Variants in ZNF324B observed in about 807,000 individuals in gnomAD.
ZNF324B encodes the protein zinc finger protein 324B.
A neutral mutation model predicts 10.6 loss-of-function variants in ZNF324B; 7 were observed. The observed-to-expected ratio is 0.66, with a 90% CI of 0.38 to 1.24. The LOEUF (loss-of-function observed/expected upper bound fraction) is 1.24, where lower values mean the gene tolerates loss of function less well. Ranked by LOEUF, ZNF324B falls within the 50% of genes most tolerant of loss-of-function variation. The pLI is 0.02. For missense variants in ZNF324B, 640 were observed against 764.7 expected (o/e 0.84, Z 1.92); for synonymous variants, 316 against 321.0 (o/e 0.98, Z 0.17).
chr19:58,455,830 C>G lies in ZNF324B; in HGVS notation c.886C>G (p.Gln296Glu). ...CACCCAGTGCGGCAAGGCCTTCAGC[C>G]AGACGTCGCACTTGACGCAGCACCA... is the stretch of plus-strand genomic sequence containing the variant. ...ECTQCGKAFS[Q>E]TSHLTQHQRI... The change falls in exon 4 of 4, where the codon CAG becomes GAG. Residue 296 changes from glutamine (Q) to glutamate (E), a missense_variant. Coordinates refer to ENST00000336614, the MANE Select transcript of ZNF324B (RefSeq NM_207395.3). This position sits in a 1 kb window ranked among gnomAD's most constrained non-coding sequence, Gnocchi z 7.0. 6.2e-7 allele frequency: 1 copy of G among 1,614,002 alleles called. No homozygotes were observed.
chr19:58,427,408 TTCCTTCC>T, the ZNF324B span, among the ~76,000 whole-genome samples: 61 of 22,206 alleles, frequency 2.7e-3, 1 homozygote, highest in African/African-American at 0.012. Flanking sequence ...CTTTCTTTCC[TTCCTTCC>T]TTCCTTCCTT....
chr19:58,433,514 G>T, the ZNF324B span: 2 of 1,613,984 alleles, frequency 1.2e-6, no homozygotes, highest in Non-Finnish European at 1.7e-6. Flanking sequence ...CTCTGATGAC[G>T]AACCAGGTGG....
the ZNF324B span, chr19:58,444,790 G>A: frequency 6.6e-6 from 1 of 152,242 alleles, no homozygotes; most frequent in Non-Finnish European, 1.5e-5. Context: ...ATGAGCATGG[G>A]AAGGCCTTCA....
chr19:58,428,239 G>A, the ZNF324B span, among the ~76,000 whole-genome samples: 10 of 152,142 alleles, frequency 6.6e-5, no homozygotes, highest in African/African-American at 1.7e-4. Context: ...GAGGATTTCC[G>A]GTCTTTTCTC....
rs756462124 is a variant in ZNF324B at position 58,455,595 on chromosome 19, T to C, written c.651T>C (p.Ser217=). ...FGNASDLKAA[S]GGRDRRMGAA... is the part of the protein sequence containing the mutation. ...ATGCCTCGGACCTGAAGGCCGCCAG[T>C]GGTGGCAGGGATCGCAGAATGGGCG... Residue 217 remains serine (S), a synonymous_variant, in exon 4 of 4, where the codon AGT becomes AGC. Transcript: ENST00000336614. The surrounding 1 kb of genome is among the most constrained non-coding windows in gnomAD (Gnocchi z 7.0). 1 of 1,613,992 alleles carries C rather than the reference T, an allele frequency of 6.2e-7. No individual in the cohort carries two copies. The highest frequency in any genetic ancestry group is 1.1e-5 in the South Asian group (1 of 91,082).
the ZNF324B span, chr19:58,418,784 A>G: frequency 6.6e-6 from 1 of 151,402 alleles, no homozygotes; most frequent in Non-Finnish European, 1.5e-5. Context: ...TAATTTTAAA[A>G]ATTTGTATAG....
chr19:58,451,693 G>C lies in ZNF324B; in HGVS notation c.-18G>C, dbSNP rs1394621015. The C allele has an allele frequency of 2.0e-6, 1 of 500,160 alleles. No homozygotes were observed. The highest frequency in any genetic ancestry group is 1.4e-5 in the South Asian group (1 of 70,646). The allele number at this position is 500,160 out of a possible 1,614,324, so 31.0% of individuals were successfully genotyped here. On this transcript the variant is annotated 5_prime_UTR_variant, in exon 1 of 4. Coordinates refer to ENST00000336614, the MANE Select transcript of ZNF324B (RefSeq NM_207395.3). ...GCGCGCGGGTCGGGGCCCGAGGCGG[G>C]CGGCCAGGAAGGTACGGACCACGAG...
chr19:58,447,915 T>C (rs2052835076), upstream of ZNF324B, among the ~76,000 whole-genome samples: 1 of 152,188 alleles, frequency 6.6e-6, no homozygotes, highest in South Asian at 2.1e-4. Flanking sequence ...GTTTCCTCTT[T>C]TGCTTGGCTC....
Position 58,455,074 on chromosome 19 carries a change from C to T in ZNF324B, c.239-109C>T, listed in dbSNP as rs200685414. On this transcript the variant is annotated intron_variant, in intron 3 of 3. Transcript: ENST00000336614. The surrounding 1 kb of genome is among the most constrained non-coding windows in gnomAD (Gnocchi z 7.0). The stretch of plus-strand genomic sequence containing the variant: ...GAGCCAGCCTCACCTCTTCTTTTTC[C>T]CTAAGCTTTTGTCCCGGCTCCTGGG... The T allele has an allele frequency of 4.0e-4, 589 of 1,473,990 alleles. 4 individuals carry two copies. The highest frequency in any genetic ancestry group is 6.4e-4 in the Admixed American group (38 of 59,188). The allele number at this position is 1,473,990 out of a possible 1,614,324, so 91.3% of individuals were successfully genotyped here. A position where few individuals can be genotyped will look rare whatever the true frequency, so the allele number is the denominator to read the frequency against.
chr19:58,433,275 G>A, the ZNF324B span: 1 of 1,557,976 alleles, frequency 6.4e-7, no homozygotes, highest in Admixed American at 1.8e-5. Flanking sequence ...CATGAAGTTT[G>A]ACTTGGCTGA....
upstream of ZNF324B, among the ~76,000 whole-genome samples, chr19:58,449,643 A>C (rs1057294038): frequency 6.6e-6 from 1 of 152,192 alleles, no homozygotes; most frequent in African/African-American, 2.4e-5. Flanking sequence ...ATTATTTTGG[A>C]ACTTTAAGAT....
chr19:58,440,614 C>T, the ZNF324B span: 2 of 152,292 alleles, frequency 1.3e-5, no homozygotes, highest in Non-Finnish European at 2.9e-5. Flanking sequence ...GCCTTCTTGA[C>T]ATACAAGCGC....
the ZNF324B span, chr19:58,436,760 G>T: frequency 1.9e-6 from 1 of 522,782 alleles, no homozygotes; most frequent in Admixed American, 2.8e-5. Flanking sequence ...AACCCGACCA[G>T]GGATTGGTGA....
upstream of ZNF324B, among the ~76,000 whole-genome samples, chr19:58,448,968 A>T (rs1385554984): frequency 6.6e-6 from 1 of 152,234 alleles, no homozygotes; most frequent in Admixed American, 6.5e-5. Context: ...GACAATGGGG[A>T]AAATATCTCC....
chr19:58,423,690 C>CTTGTATTGTAT, the ZNF324B span, among the ~76,000 whole-genome samples: 1 of 152,046 alleles, frequency 6.6e-6, no homozygotes, highest in African/African-American at 2.4e-5. Flanking sequence ...CTATAGTGAC[C>CTTGTATTGTAT]AAAAGAGTGT....
At chr19:58,436,952 G>C in the ZNF324B span, 15 of 1,549,154 alleles carry the variant, frequency 9.7e-6, no homozygotes, top group Non-Finnish European at 2.7e-6. Flanking sequence ...GAAGGAAGCA[G>C]TACCCATGAT....
chr19:58,449,032 T>C (rs1160272897), upstream of ZNF324B, among the ~76,000 whole-genome samples: 3 of 152,150 alleles, frequency 2.0e-5, no homozygotes, highest in African/African-American at 7.2e-5. Context: ...CCCAGAGGCC[T>C]AGGAGGAAAA....
chr19:58,451,871 G>A (rs1300666718), intron 1 of ZNF324B, 167 bp downstream of exon 1: 4 of 253,200 alleles, frequency 1.6e-5, no homozygotes, highest in South Asian at 1.3e-4. Flanking sequence ...TGCCGGGCAG[G>A]CTGAGGCGCG....
chr19:58,425,932 C>T, the ZNF324B span, among the ~76,000 whole-genome samples: 1 of 152,346 alleles, frequency 6.6e-6, no homozygotes, highest in Admixed American at 6.5e-5. Context: ...TCCACCCTCC[C>T]ATGTTGAAAT....
Sources: gnomAD v4.1 joint callset for allele counts (sites outside exome capture counted in the v4.1 genomes callset) on GRCh38, gnomAD v4.1.1 for gene constraint, Gnocchi (gnomAD v3.1) non-coding constraint, MANE v1.5 for transcripts, NCBI Gene and HGNC (gene_info 2026-07-23, HGNC 2026-07-21) for gene names.